The following ALPK2 variants were observed in gnomAD, a reference collection of about 807,000 sequenced individuals.
ALPK2 encodes alpha kinase 2, also known as alpha-protein kinase 2.
In ALPK2, 127 loss-of-function variants were observed where a neutral mutation model predicts 163.1. The observed-to-expected ratio is 0.78, with a 90% CI of 0.67 to 0.90. The LOEUF is 0.90. ALPK2 is among the 40% of genes least tolerant of loss of function. ALPK2 has a pLI of 0.00. For missense variants in ALPK2, 2,360 were observed against 2,589.6 expected (o/e 0.91, Z 1.92); for synonymous variants, 953 against 959.1 (o/e 0.99, Z 0.12).
chr18:58,488,954 A>G (rs534361679), intron 12 of ALPK2, among the ~76,000 whole-genome samples: 20 of 152,286 alleles, frequency 1.3e-4, no homozygotes, highest in Middle Eastern at 3.4e-3. Context: ...TGATTTCTTC[A>G]TTGATCAGGT....
Position 58,536,275 on chromosome 18 carries a change from C to T in ALPK2, c.3912G>A (p.Glu1304=). 6.2e-7 allele frequency: 1 copy of T among 1,614,236 alleles called. No homozygotes were observed. The highest frequency in any genetic ancestry group is 8.5e-7 in the Non-Finnish European group (1 of 1,180,026). ...AALAHSPEDA[E]SALADSRESH... ...TTTCTCTGCTATCAGCAAGGGCTGA[C>T]TCAGCATCCTCTGGACTGTGAGCCA... The change falls in exon 5 of 13, where the codon GAG becomes GAA. Residue 1304 remains glutamate (E), a synonymous_variant. Coordinates refer to ENST00000361673, the MANE Select transcript of ALPK2 (RefSeq NM_052947.4).
chr18:58,516,586 T>C lies in ALPK2; in HGVS notation c.5940+322A>G, dbSNP rs1602196638. ...CTAGTGTAGCTTAGAACCCCCACTT[T>C]CCATATCATCCTAGGTCCAAGTAGA... On this transcript the variant is annotated intron_variant, in intron 9 of 12. Coordinates refer to ENST00000361673, the MANE Select transcript of ALPK2 (RefSeq NM_052947.4). Among the ~76,000 whole-genome samples, 3 of 152,108 alleles carry C rather than the reference T, an allele frequency of 2.0e-5. No individual in the cohort carries two copies. In the South Asian group the frequency reaches 6.2e-4, roughly 32 times the overall value.
intron 1 of ALPK2, among the ~76,000 whole-genome samples, chr18:58,613,564 G>T (rs1020939368): frequency 2.0e-5 from 3 of 151,738 alleles, no homozygotes; most frequent in Non-Finnish European, 4.4e-5. Flanking sequence ...ATGGTGACTC[G>T]TTCCTGTAAT....
intron 4 of ALPK2, among the ~76,000 whole-genome samples, chr18:58,568,532 C>T (rs2051868473): frequency 6.6e-6 from 1 of 152,156 alleles, no homozygotes; most frequent in Non-Finnish European, 1.5e-5. Context: ...CGCCTGAGCT[C>T]TACCCTCGAT....
At chr18:58,578,589 T>C in intron 4 of ALPK2, 1 of 476,174 alleles carries the variant, frequency 2.1e-6, no homozygotes, top group Non-Finnish European at 3.7e-6. Flanking sequence ...TAGGATGGCT[T>C]AGGGTTTATC....
At chr18:58,553,131 G>A (rs1189623828) in intron 4 of ALPK2, among the ~76,000 whole-genome samples, 3 of 152,180 alleles carry the variant, frequency 2.0e-5, no homozygotes, top group East Asian at 3.8e-4. Flanking sequence ...AGAAGTATGG[G>A]ATGGCTTCTC....
chr18:58,550,821 C>A (rs1242755285), intron 4 of ALPK2, among the ~76,000 whole-genome samples: 6 of 149,544 alleles, frequency 4.0e-5, no homozygotes, highest in Non-Finnish European at 8.9e-5. Context: ...TCCCTATCTC[C>A]ATCATATACA....
intron 1 of ALPK2, among the ~76,000 whole-genome samples, chr18:58,612,434 A>C (rs1356524204): frequency 6.6e-6 from 1 of 152,252 alleles, no homozygotes; most frequent in South Asian, 2.1e-4. Context: ...GAAGGCAGGC[A>C]CTAAACACTT....
intron 6 of ALPK2, among the ~76,000 whole-genome samples, chr18:58,528,129 A>C (rs1267547124): frequency 1.3e-5 from 2 of 152,240 alleles, no homozygotes. Context: ...ATTTATTGCC[A>C]AGAAAAGCTG....
chr18:58,531,930 C>T (rs1456984960), intron 5 of ALPK2, among the ~76,000 whole-genome samples: 6 of 70,326 alleles, frequency 8.5e-5, no homozygotes, highest in Admixed American at 2.1e-4. Context: ...AGCAAGGCTC[C>T]GTCTCAAAAA....
At chr18:58,507,578 C>T (rs557721689) in intron 10 of ALPK2, among the ~76,000 whole-genome samples, 167 of 152,278 alleles carry the variant, frequency 1.1e-3, no homozygotes, top group African/African-American at 3.9e-3. Flanking sequence ...GACCCCCTCT[C>T]CCAGTGGAAT....
chr18:58,499,870 C>A (rs2051422603), intron 11 of ALPK2, among the ~76,000 whole-genome samples: 1 of 152,270 alleles, frequency 6.6e-6, no homozygotes, highest in Non-Finnish European at 1.5e-5. Context: ...CTAAAGCCAG[C>A]CATGAGGATC....
intron 4 of ALPK2, among the ~76,000 whole-genome samples, chr18:58,545,923 G>A (rs1471073664): frequency 1.3e-5 from 2 of 152,116 alleles, no homozygotes; most frequent in African/African-American, 4.8e-5. Flanking sequence ...GTCACAACAG[G>A]CAGAGCGTCA....
rs532532387 is a variant in ALPK2 at position 58,487,465 on chromosome 18, A to G, written c.6297-5426T>C. 2.4e-4 allele frequency among the ~76,000 whole-genome samples: 37 copies of G among 152,298 alleles called. No individual in the cohort carries two copies. In the South Asian group the frequency reaches 7.5e-3, roughly 31 times the overall value. On this transcript the variant is annotated intron_variant, in intron 12 of 12. Transcript: ENST00000361673. ...AGCCCCCAGAACTGTGAGACAATCA[A>G]TTTCTATCACTGTGAGGCTCTTGGT...
Position 58,482,028 on chromosome 18 carries a change from A to G in ALPK2, c.6308T>C (p.Phe2103Ser). 1 of 1,613,848 alleles carries G rather than the reference A, an allele frequency of 6.2e-7. No individual in the cohort carries two copies. Among genetic ancestry groups the G allele is most frequent in the Non-Finnish European group, 8.5e-7 (1 of 1,179,736 alleles). ...IATLAKGYKG[F>S]KGNCSMTFID... ...GAAGGTCATGGAACAGTTGCCTTTA[A>G]ATCCCTTGTACCTGTGAGTTTGGGT... The change falls in exon 13 of 13, where the codon TTT (phenylalanine) becomes TCT (serine). Residue 2103 changes from phenylalanine to serine, a missense_variant. Phe to Ser is a radical substitution (Grantham distance 155, BLOSUM62 -2). Transcript: ENST00000361673.
chr18:58,504,109 A>G lies in ALPK2; in HGVS notation c.6069T>C (p.Asn2023=). The change falls in exon 11 of 13, where the codon AAT becomes AAC. Residue 2023 remains asparagine (N), a synonymous_variant. Coordinates refer to ENST00000361673, the MANE Select transcript of ALPK2 (RefSeq NM_052947.4). ...PIFLIHRPEN[N]IPYATVEEEL... ...CCTCCTCCACTGTAGCATACGGGAT[A>G]TTGTTCTCAGGCCGATGGATAAGAA... is the stretch of plus-strand genomic sequence containing the variant. The G allele has an allele frequency of 6.2e-7, 1 of 1,614,216 alleles. No homozygotes were observed. Among genetic ancestry groups the G allele is most frequent in the Non-Finnish European group, 8.5e-7 (1 of 1,180,028 alleles).
At chr18:58,505,227 A>G in intron 10 of ALPK2, among the ~76,000 whole-genome samples, 1 of 152,054 alleles carries the variant, frequency 6.6e-6, no homozygotes, top group East Asian at 1.9e-4. Flanking sequence ...GTGATCAGAT[A>G]TGGGATGGAG....
chr18:58,627,495 G>A (rs531198961), intron 1 of ALPK2, among the ~76,000 whole-genome samples: 2 of 152,178 alleles, frequency 1.3e-5, no homozygotes, highest in South Asian at 2.1e-4. Flanking sequence ...ATGGTGGCAG[G>A]CACCCGTAAT....
chr18:58,531,757 G>A (rs1024198976), intron 5 of ALPK2, among the ~76,000 whole-genome samples: 2 of 150,944 alleles, frequency 1.3e-5, no homozygotes, highest in East Asian at 3.9e-4. Context: ...GGCCAACATG[G>A]TGAAACCCCG....
Sources: allele counts gnomAD v4.1 joint callset (sites outside exome capture counted in the v4.1 genomes callset), GRCh38; gene constraint gnomAD v4.1.1; transcripts MANE v1.5; gene names NCBI Gene and HGNC (gene_info 2026-07-23, HGNC 2026-07-21).